The following LYPLAL1 variants were observed in gnomAD, a reference collection of about 807,000 sequenced individuals.
LYPLAL1 encodes the protein lysophospholipase-like protein 1.
Under a neutral mutation model 19.7 loss-of-function variants are expected in LYPLAL1, and 23 were observed. The observed-to-expected ratio is 1.17, with a 90% CI of 0.84 to 1.65. The LOEUF (loss-of-function observed/expected upper bound fraction) is 1.65, where lower values mean the gene tolerates loss of function less well. LYPLAL1 is among the 40% of genes most tolerant of loss of function. LYPLAL1 has a pLI of 0.00. For synonymous variants in LYPLAL1, 119 were observed against 96.3 expected (o/e 1.24, Z -1.38); for missense variants, 355 against 279.4 (o/e 1.27, Z -1.93).
the LYPLAL1 span, among the ~76,000 whole-genome samples, chr1:219,230,486 G>A: frequency 6.6e-6 from 1 of 152,184 alleles, no homozygotes; most frequent in African/African-American, 2.4e-5. Context: ...TCTGTATCAA[G>A]AGAAAATTAG....
chr1:219,239,731 T>C, the LYPLAL1 span, among the ~76,000 whole-genome samples: 1 of 152,270 alleles, frequency 6.6e-6, no homozygotes, highest in Non-Finnish European at 1.5e-5. Flanking sequence ...TCTTCAAGTA[T>C]GCTGCTAGAA....
At chr1:219,304,381 A>G in the LYPLAL1 span, among the ~76,000 whole-genome samples, 1 of 152,244 alleles carries the variant, frequency 6.6e-6, no homozygotes, top group Non-Finnish European at 1.5e-5. Flanking sequence ...CATTGATAAC[A>G]TCACTGGCAT....
At chr1:219,234,409 G>C in the LYPLAL1 span, among the ~76,000 whole-genome samples, 1 of 152,006 alleles carries the variant, frequency 6.6e-6, no homozygotes, top group African/African-American at 2.4e-5. Context: ...CTCTCTATTA[G>C]ATAACTTCCT....
chr1:219,406,461 T>C, the LYPLAL1 span, among the ~76,000 whole-genome samples: 1 of 152,216 alleles, frequency 6.6e-6, no homozygotes, highest in African/African-American at 2.4e-5. Flanking sequence ...TTAATAAGAT[T>C]AGGACCTAAA....
the LYPLAL1 span, among the ~76,000 whole-genome samples, chr1:219,320,247 G>A: frequency 1.3e-4 from 19 of 151,400 alleles, no homozygotes; most frequent in Admixed American, 2.6e-4. Flanking sequence ...ATCTATACTG[G>A]TCCTGCCTTC....
At chr1:219,204,147 T>C (rs1398949803) in intron 3 of LYPLAL1, among the ~76,000 whole-genome samples, 8 of 152,194 alleles carry the variant, frequency 5.3e-5, no homozygotes, top group African/African-American at 1.9e-4. Context: ...AAAATGTTGA[T>C]TTTTTAAAAT....
At chr1:219,340,022 C>T in the LYPLAL1 span, among the ~76,000 whole-genome samples, 1 of 151,870 alleles carries the variant, frequency 6.6e-6, no homozygotes, top group African/African-American at 2.4e-5. Flanking sequence ...TTCTAAGACT[C>T]TCAAAAGTAT....
the LYPLAL1 span, among the ~76,000 whole-genome samples, chr1:219,283,960 C>T: frequency 6.6e-6 from 1 of 152,148 alleles, no homozygotes; most frequent in Non-Finnish European, 1.5e-5. Context: ...TGTGTTCCCA[C>T]CCAAATCTCA....
the LYPLAL1 span, among the ~76,000 whole-genome samples, chr1:219,397,208 A>G: frequency 5.9e-5 from 9 of 152,248 alleles, no homozygotes; most frequent in African/African-American, 2.2e-4. Context: ...TTATGTGATG[A>G]ATCACATTTA....
the LYPLAL1 span, among the ~76,000 whole-genome samples, chr1:219,283,250 A>G: frequency 1.3e-5 from 2 of 152,140 alleles, no homozygotes; most frequent in African/African-American, 2.4e-5. Flanking sequence ...TTGCCATGTC[A>G]TTTATGATGT....
chr1:219,189,781 T>A (rs1306519071), intron 2 of LYPLAL1, among the ~76,000 whole-genome samples: 1 of 151,682 alleles, frequency 6.6e-6, no homozygotes, highest in East Asian at 1.9e-4. Flanking sequence ...TCTCAGACAA[T>A]AATGCAATAT....
At chr1:219,178,679 T>C (rs1299250186) in intron 1 of LYPLAL1, among the ~76,000 whole-genome samples, 1 of 152,190 alleles carries the variant, frequency 6.6e-6, no homozygotes, top group East Asian at 1.9e-4. Flanking sequence ...AAAATTACAC[T>C]GAACACACAT....
chr1:219,381,201 G>A, the LYPLAL1 span, among the ~76,000 whole-genome samples: 1 of 152,114 alleles, frequency 6.6e-6, no homozygotes, highest in African/African-American at 2.4e-5. Flanking sequence ...CATGAGATCC[G>A]ATGGTTTTAT....
chr1:219,409,049 G>A, the LYPLAL1 span, among the ~76,000 whole-genome samples: 1 of 152,284 alleles, frequency 6.6e-6, no homozygotes, highest in East Asian at 1.9e-4. Context: ...TGACTTAGAA[G>A]TATACTTTAA....
At chr1:219,266,539 AAAT>A in the LYPLAL1 span, among the ~76,000 whole-genome samples, 1 of 152,326 alleles carries the variant, frequency 6.6e-6, no homozygotes, top group East Asian at 1.9e-4. Flanking sequence ...GTATACTCTA[AAAT>A]AATGATAAAA....
chr1:219,304,560 T>C, the LYPLAL1 span, among the ~76,000 whole-genome samples: 1 of 152,232 alleles, frequency 6.6e-6, no homozygotes, highest in African/African-American at 2.4e-5. Context: ...TTGGGTGGGA[T>C]TCAGAAGAGG....
At chr1:219,335,541 A>T in the LYPLAL1 span, among the ~76,000 whole-genome samples, 1 of 151,968 alleles carries the variant, frequency 6.6e-6, no homozygotes, top group African/African-American at 2.4e-5. Context: ...TAATTTGGTA[A>T]GAGAAAAAAT....
At chr1:219,257,526 A>G in the LYPLAL1 span, among the ~76,000 whole-genome samples, 1 of 151,984 alleles carries the variant, frequency 6.6e-6, no homozygotes. Context: ...GAGACATCAC[A>G]TATCGGTAGG....
At chr1:219,366,791 C>T in the LYPLAL1 span, among the ~76,000 whole-genome samples, 1 of 151,974 alleles carries the variant, frequency 6.6e-6, no homozygotes, top group Non-Finnish European at 1.5e-5. Context: ...ATAACATATA[C>T]TTAGGACCAA....
Sources: allele counts gnomAD v4.1 joint callset (sites outside exome capture counted in the v4.1 genomes callset), GRCh38; gene constraint gnomAD v4.1.1; transcripts MANE v1.5; gene names NCBI Gene and HGNC (gene_info 2026-07-23, HGNC 2026-07-21).